The following PLEKHG1 variants were observed in gnomAD, a reference collection of about 807,000 sequenced individuals.
The protein encoded by PLEKHG1 is pleckstrin homology and RhoGEF domain containing G1, also known as pleckstrin homology domain-containing family G member 1.
In PLEKHG1, 44 loss-of-function variants were observed where a neutral mutation model predicts 100.8. The ratio of observed to expected loss-of-function variants is 0.44; its 90% CI spans 0.34 to 0.56. The LOEUF (loss-of-function observed/expected upper bound fraction) is 0.56, where lower values mean the gene tolerates loss of function less well. Among genes scored for constraint, PLEKHG1 ranks in the 20% least tolerant of loss-of-function variants. The probability of loss-of-function intolerance (pLI) is 0.01; values close to 1 mark genes in which losing one functional copy is unlikely to be tolerated. For synonymous variants in PLEKHG1, 640 were observed against 662.5 expected (o/e 0.97, Z 0.52); for missense variants, 1,545 against 1,720.9 (o/e 0.90, Z 1.81).
chr6:150,838,739 G>A (rs1258908866), intron 15 of PLEKHG1, among the ~76,000 whole-genome samples: 2 of 152,090 alleles, frequency 1.3e-5, no homozygotes, highest in Non-Finnish European at 2.9e-5. Context: ...AATTTTAAGC[G>A]GCAAAAGCTT....
intron 3 of PLEKHG1, among the ~76,000 whole-genome samples, chr6:150,685,705 G>A (rs533697247): frequency 1.3e-5 from 2 of 152,346 alleles, no homozygotes; most frequent in Admixed American, 1.3e-4. Context: ...TATGTAAGGT[G>A]TGTATCCTCA....
At chr6:150,838,185 G>A (rs777160355) in intron 15 of PLEKHG1, among the ~76,000 whole-genome samples, 1 of 152,118 alleles carries the variant, frequency 6.6e-6, no homozygotes, top group Non-Finnish European at 1.5e-5. Context: ...AATGTAAATA[G>A]CTTAAAGAAG....
intron 2 of PLEKHG1, among the ~76,000 whole-genome samples, chr6:150,750,521 C>T (rs910993822): frequency 1.3e-5 from 2 of 151,822 alleles, no homozygotes; most frequent in Non-Finnish European, 2.9e-5. Flanking sequence ...ACACTCACGC[C>T]TGTAATCCCA....
In PLEKHG1 at chr6:150,763,024, C is replaced by CTTCT. The variant is rs1784252828; in HGVS notation, c.412-5612_412-5611insCTTT. 9.1e-5 allele frequency among the ~76,000 whole-genome samples: 7 copies of CTTCT among 76,504 alleles called. No homozygotes were observed. In the East Asian group the frequency reaches 2.5e-3, roughly 27 times the overall value. 50.2% of individuals were successfully genotyped at this position (76,504 alleles called of 152,430 possible). Reference sequence around the variant, plus strand: ...AGCACCAACAGGAGGGATAAAGCTTCTTTTTTTTTTTTTTTTTTTTGAGAC... The same window carrying CTTCT: ...AGCACCAACAGGAGGGATAAAGCTTCTTCTTTTTTTTTTTTTTTTTTTTTGAGAC... On this transcript the variant is annotated intron_variant, in intron 2 of 15. Coordinates refer to ENST00000358517, the Ensembl canonical transcript of PLEKHG1.
chr6:150,785,035 A>AC, intron 3 of PLEKHG1, among the ~76,000 whole-genome samples: 2 of 147,540 alleles, frequency 1.4e-5, no homozygotes, highest in Middle Eastern at 7.1e-3. Context: ...TCTAAAATTA[A>AC]AAAAAAAAAA....
chr6:150,611,811 C>CAAAAAAAAAA (rs35351890), intron 1 of PLEKHG1, among the ~76,000 whole-genome samples: 2 of 121,582 alleles, frequency 1.6e-5, no homozygotes, highest in Admixed American at 8.2e-5. Flanking sequence ...GACTCCATCT[C>CAAAAAAAAAA]AAAAAAAAAA....
At chr6:150,623,801 C>T (rs1156506168) in intron 1 of PLEKHG1, among the ~76,000 whole-genome samples, 1 of 152,186 alleles carries the variant, frequency 6.6e-6, no homozygotes, top group Non-Finnish European at 1.5e-5. Flanking sequence ...ACCTGTTTAC[C>T]GTGCTGCCCT....
chr6:150,803,714 C>G (rs570685185), intron 6 of PLEKHG1, among the ~76,000 whole-genome samples: 4 of 152,162 alleles, frequency 2.6e-5, no homozygotes, highest in Non-Finnish European at 5.9e-5. Flanking sequence ...AAAACCTTGA[C>G]TACAGGAAAA....
At chr6:150,796,474 T>C (rs1376633745) in intron 5 of PLEKHG1, among the ~76,000 whole-genome samples, 2 of 152,196 alleles carry the variant, frequency 1.3e-5, no homozygotes, top group African/African-American at 4.8e-5. Flanking sequence ...GAAGCATCCT[T>C]GGACAATGTA....
intron 2 of PLEKHG1, among the ~76,000 whole-genome samples, chr6:150,760,635 C>CTTTT (rs34394040): frequency 1.7e-5 from 2 of 115,828 alleles, no homozygotes; most frequent in Non-Finnish European, 3.7e-5. Context: ...AAATGCTTTG[C>CTTTT]TTTTTTTTTT....
chr6:150,701,445 A>T lies in PLEKHG1; in HGVS notation c.-98-32139A>T, dbSNP rs1312794158. ...TATATATATATATATATATATATAT[A>T]TATATATATATATATATATATAATT... On this transcript the variant is annotated intron_variant, in intron 3 of 3. Transcript: ENST00000367326. Among the ~76,000 whole-genome samples the T allele has an allele frequency of 3.8e-5, 3 of 79,462 alleles. 1 individual carries two copies. The highest frequency in any genetic ancestry group is 6.2e-5 in the Non-Finnish European group (3 of 48,224). The allele number at this position is 79,462 out of a possible 152,430, so 52.1% of individuals were successfully genotyped here. A position where few individuals can be genotyped will look rare whatever the true frequency, so the allele number is the denominator to read the frequency against.
intron 3 of PLEKHG1, among the ~76,000 whole-genome samples, chr6:150,689,909 G>A (rs1780282883): frequency 1.3e-5 from 2 of 151,636 alleles, no homozygotes. Flanking sequence ...TGATCTTTGA[G>A]CTTTAGTTCT....
intron 3 of PLEKHG1, among the ~76,000 whole-genome samples, chr6:150,669,090 A>G (rs1018948285): frequency 4.6e-5 from 7 of 152,200 alleles, no homozygotes; most frequent in African/African-American, 1.4e-4. Context: ...AAAGCCTAAA[A>G]TAAGATCCCT....
intron 2 of PLEKHG1, among the ~76,000 whole-genome samples, chr6:150,763,022 T>TGC (rs1268841465): frequency 3.4e-5 from 3 of 88,264 alleles, no homozygotes; most frequent in Non-Finnish European, 6.7e-5. Context: ...GGGATAAAGC[T>TGC]TCTTTTTTTT....
At chr6:150,765,993 T>C (rs1262827634) in intron 2 of PLEKHG1, among the ~76,000 whole-genome samples, 1 of 152,194 alleles carries the variant, frequency 6.6e-6, no homozygotes, top group African/African-American at 2.4e-5. Flanking sequence ...TTGGATATTT[T>C]CAATAACACA....
intron 3 of PLEKHG1, among the ~76,000 whole-genome samples, chr6:150,697,947 GT>G (rs66537666): frequency 0.83 from 125,646 of 150,940 alleles, 52,457 homozygotes; most frequent in East Asian, 0.87. Flanking sequence ...TTGTTGTTGG[GT>G]TTTTTTTTGT....
At position 150,683,777 on chromosome 6, in the gene PLEKHG1, G is replaced by A. The variant is rs1450349796; in HGVS notation, c.-99+32991G>A. On this transcript the variant is annotated intron_variant, in intron 3 of 3. Transcript: ENST00000367326. This position sits in a 1 kb window ranked among gnomAD's most constrained non-coding sequence, Gnocchi z 4.0. ...CTGAAGGAAAGATGGAGCCATTCTTGGTGGGGCGGAAGAGGCAGGAAACTG... is the reference window on the plus strand; with the variant it reads ...CTGAAGGAAAGATGGAGCCATTCTTAGTGGGGCGGAAGAGGCAGGAAACTG... 1.6e-6 allele frequency: 2 copies of A among 1,288,172 alleles called. No homozygotes were observed. Among genetic ancestry groups the A allele is most frequent in the South Asian group, 2.5e-5 (2 of 80,942 alleles). The allele number at this position is 1,288,172 out of a possible 1,614,324, so 79.8% of individuals were successfully genotyped here.
At position 150,734,053 on chromosome 6, in the gene PLEKHG1, C is replaced by T. The variant is rs61738740; in HGVS notation, c.372C>T (p.Thr124=). ...GAGTTGTTCAGGAAATTCTGGAAAC[C>T]GAAAGGACTTATGTACAAGATTTAA... The change falls in exon 2 of 16, where the codon ACC becomes ACT. Residue 124 remains threonine, a synonymous_variant. Coordinates refer to ENST00000358517, the Ensembl canonical transcript of PLEKHG1. 5 of 1,613,872 alleles carry T rather than the reference C, an allele frequency of 3.1e-6. No homozygotes were observed. The South Asian group carries it at 3.3e-5, about 11-fold the overall frequency.
intron 3 of PLEKHG1, chr6:150,664,545 G>A (rs1225750026): frequency 1.3e-5 from 2 of 152,200 alleles, no homozygotes; most frequent in African/African-American, 2.4e-5. Flanking sequence ...TATAATCTGT[G>A]AATCCCTGGC....
Sources: gnomAD v4.1 joint callset for allele counts (sites outside exome capture counted in the v4.1 genomes callset) on GRCh38, gnomAD v4.1.1 for gene constraint, Gnocchi (gnomAD v3.1) non-coding constraint, MANE v1.5 for transcripts, NCBI Gene and HGNC (gene_info 2026-07-23, HGNC 2026-07-21) for gene names.